Variants in EHD3 observed in about 807,000 individuals in gnomAD.
EHD3 encodes EH domain-containing protein 3.
In EHD3, 17 loss-of-function variants were observed where a neutral mutation model predicts 43.0. The ratio of observed to expected loss-of-function variants is 0.40; its 90% CI spans 0.27 to 0.59. The LOEUF is 0.59. Ranked by LOEUF, EHD3 falls within the 20% of genes least tolerant of loss-of-function variation. The pLI is 0.49. For synonymous variants in EHD3, 313 were observed against 289.5 expected, an observed-to-expected ratio of 1.08 and a Z score of -0.82; for missense variants, 594 against 705.6, an observed-to-expected ratio of 0.84 and a Z score of 1.79.
intron 1 of EHD3, among the ~76,000 whole-genome samples, chr2:31,239,398 T>G (rs756561450): frequency 6.6e-6 from 1 of 152,212 alleles, no homozygotes; most frequent in Non-Finnish European, 1.5e-5. Flanking sequence ...TTACAAGGCC[T>G]AAGTGTTACA....
intron 4 of EHD3, 121 bp downstream of exon 4, chr2:31,261,043 C>G (rs1683845436): frequency 8.8e-7 from 1 of 1,135,526 alleles, no homozygotes; most frequent in African/African-American, 1.6e-5. Flanking sequence ...CACCAAGGGG[C>G]AGGACAGTGC....
chr2:31,260,447 C>A lies in EHD3; in HGVS notation c.503-63C>A, dbSNP rs1683829345. ...GTGTTATTTCTACCACACCCGACTG[C>A]TTCTCCAAACCCCTACCCTATACCC... On this transcript the variant is annotated intron_variant, in intron 3 of 5. Coordinates refer to ENST00000322054, the MANE Select transcript of EHD3 (RefSeq NM_014600.3). This position sits in a 1 kb window ranked among gnomAD's most constrained non-coding sequence, Gnocchi z 4.6. The A allele has an allele frequency of 1.3e-6, 2 of 1,488,692 alleles. No individual in the cohort carries two copies. The highest frequency in any genetic ancestry group is 2.3e-5 in the East Asian group (1 of 43,680). 92.2% of individuals were successfully genotyped at this position (1,488,692 alleles called of 1,614,324 possible). A position where few individuals can be genotyped will look rare whatever the true frequency, so the allele number is the denominator to read the frequency against.
At chr2:31,243,460 C>CTTTCTTTTTTT (rs1553402472) in intron 1 of EHD3, among the ~76,000 whole-genome samples, 27 of 98,480 alleles carry the variant, frequency 2.7e-4, no homozygotes, top group African/African-American at 5.0e-4. Flanking sequence ...TTCTTTCTTT[C>CTTTCTTTTTTT]TTTTTTTTTT....
chr2:31,243,729 T>C (rs536691944), intron 1 of EHD3, among the ~76,000 whole-genome samples: 19 of 152,162 alleles, frequency 1.2e-4, no homozygotes, highest in African/African-American at 3.4e-4. Flanking sequence ...GCTGGGATTA[T>C]AGGCGTGAGC....
chr2:31,235,291 G>T (rs1683303438), intron 1 of EHD3, among the ~76,000 whole-genome samples: 2 of 152,096 alleles, frequency 1.3e-5, no homozygotes, highest in Admixed American at 1.3e-4. Context: ...TCACATGGGG[G>T]CCTCACAGTT....
chr2:31,257,488 C>T (rs573888201), intron 3 of EHD3, among the ~76,000 whole-genome samples: 1 of 152,208 alleles, frequency 6.6e-6, no homozygotes, highest in African/African-American at 2.4e-5. Context: ...TGCAGAACGG[C>T]TGGATGGCTG....
chr2:31,265,615 C>G (rs1159931732), intron 5 of EHD3, among the ~76,000 whole-genome samples: 1 of 152,216 alleles, frequency 6.6e-6, no homozygotes, highest in East Asian at 1.9e-4. Flanking sequence ...TTTTAGTACC[C>G]TGTGCCCTGT....
chr2:31,252,049 C>CAGCG (rs1366385440), intron 3 of EHD3, among the ~76,000 whole-genome samples: 1 of 152,174 alleles, frequency 6.6e-6, no homozygotes, highest in Admixed American at 6.5e-5. Flanking sequence ...GTAGCCTGAC[C>CAGCG]AGCGGGTCCA....
At chr2:31,257,256 G>A (rs1163652946) in intron 3 of EHD3, among the ~76,000 whole-genome samples, 5 of 152,230 alleles carry the variant, frequency 3.3e-5, no homozygotes, top group African/African-American at 4.8e-5. Context: ...CCTTTGGGAG[G>A]TGACAGCAGC....
chr2:31,243,460 C>CTTTTTTTTT (rs1309146980), intron 1 of EHD3, among the ~76,000 whole-genome samples: 1,128 of 98,412 alleles, frequency 0.011, 110 homozygotes, highest in African/African-American at 0.048. Context: ...TTCTTTCTTT[C>CTTTTTTTTT]TTTTTTTTTT....
chr2:31,255,474 TATTTTGCAGCTG>T (rs982613100), intron 3 of EHD3, among the ~76,000 whole-genome samples: 3 of 151,724 alleles, frequency 2.0e-5, no homozygotes, highest in Non-Finnish European at 4.4e-5. Flanking sequence ...TTGTTATCCC[TATTTTGCAGCTG>T]AGAAAATTGA....
Position 31,266,852 on chromosome 2 carries a change from T to G in EHD3, c.*148T>G, listed in dbSNP as rs1572476273. 4 of 1,085,864 alleles carry G rather than the reference T, an allele frequency of 3.7e-6. No individual in the cohort carries two copies. Among genetic ancestry groups the G allele is most frequent in the Non-Finnish European group, 5.1e-6 (4 of 785,432 alleles). 67.3% of individuals were successfully genotyped at this position (1,085,864 alleles called of 1,614,324 possible). A position where few individuals can be genotyped will look rare whatever the true frequency, so the allele number is the denominator to read the frequency against. On this transcript the variant is annotated 3_prime_UTR_variant, in exon 6 of 6. Transcript: ENST00000322054. The surrounding 1 kb of genome is among the most constrained non-coding windows in gnomAD (Gnocchi z 5.1). ...TTGCTCTGTAGGTGAGAGAGGACCA[T>G]GACGCCCATGTTTGCAGCTGATACT...
chr2:31,249,344 T>G (rs112850980), intron 2 of EHD3, 27 bp from the exon 3 acceptor site: 60 of 1,608,778 alleles, frequency 3.7e-5, no homozygotes, highest in Non-Finnish European at 9.4e-6. Context: ...GGGCGAGTAC[T>G]CACCCAGGTT....
rs1226074917 is a variant in EHD3 at position 31,268,450 on chromosome 2, T to C, written c.*1746T>C. The C allele has an allele frequency of 6.5e-6, 1 of 152,672 alleles. No homozygotes were observed. The highest frequency in any genetic ancestry group is 1.9e-4 in the East Asian group (1 of 5,182). The allele number at this position is 152,672 out of a possible 1,614,324, so 9.5% of individuals were successfully genotyped here. On this transcript the variant is annotated 3_prime_UTR_variant, in exon 6 of 6. Transcript: ENST00000322054. ...AGGCTGAGGGAGAAGGGCTGGGTTC[T>C]TACTTGGAGTTCCTGGTGAAATCTT...
In EHD3 at chr2:31,266,274, T is replaced by C; in HGVS notation, c.1178T>C (p.Leu393Pro). 2 of 1,614,166 alleles carry C rather than the reference T, an allele frequency of 1.2e-6. No individual in the cohort carries two copies. The highest frequency in any genetic ancestry group is 1.1e-5 in the South Asian group (1 of 91,082). Reference sequence around the variant, plus strand: ...ATGCTGGCCCATGACATTGCCCAGCTCATGGTGCTAGTGCGCCAGGAGGAG... The same window carrying C: ...ATGCTGGCCCATGACATTGCCCAGCCCATGGTGCTAGTGCGCCAGGAGGAG... ...DDMLAHDIAQ[L>P]MVLVRQEESQ... is the part of the protein sequence containing the mutation. The change falls in exon 6 of 6, where the codon CTC becomes CCC. Residue 393 changes from leucine to proline, a missense_variant. Coordinates refer to ENST00000322054, the MANE Select transcript of EHD3 (RefSeq NM_014600.3). This position sits in a 1 kb window ranked among gnomAD's most constrained non-coding sequence, Gnocchi z 5.1.
rs766994253 is a variant in EHD3 at position 31,260,882 on chromosome 2, G to A, written c.875G>A (p.Arg292His). 12 of 1,613,524 alleles carry A rather than the reference G, an allele frequency of 7.4e-6. No homozygotes were observed. Among genetic ancestry groups the A allele is most frequent in the East Asian group, 4.5e-5 (2 of 44,886 alleles). ...AGTCTGCCCCGAAATGCTGCCCTGC[G>A]CAAGCTCAACGACCTCATCAAAAGG... ...IQSLPRNAAL[R>H]KLNDLIKRAR... Residue 292 changes from arginine (R) to histidine (H), a missense_variant, in exon 4 of 6, where the codon CGC becomes CAC. Arg to His is a conservative substitution (Grantham distance 29). This residue lies in a region of EHD3 where 322 missense variants were observed against 348.0 expected (regional missense o/e 0.93). Transcript: ENST00000322054. The surrounding 1 kb of genome is among the most constrained non-coding windows in gnomAD (Gnocchi z 4.6).
chr2:31,254,075 G>T (rs2148720600), intron 3 of EHD3, among the ~76,000 whole-genome samples: 1 of 152,310 alleles, frequency 6.6e-6, no homozygotes, highest in Middle Eastern at 3.4e-3. Context: ...CCTCCCCACA[G>T]GCCCCTTTCT....
At chr2:31,261,357 C>T (rs1272955669) in intron 4 of EHD3, among the ~76,000 whole-genome samples, 192 bp from the exon 5 acceptor site, 1 of 152,142 alleles carries the variant, frequency 6.6e-6, no homozygotes, top group African/African-American at 2.4e-5. Flanking sequence ...ACCTTGCCCA[C>T]ATAACATAGA....
Position 31,266,761 on chromosome 2 carries a change from TACACACAC to T in EHD3, c.*83_*90del, listed in dbSNP as rs67643147. ...TAGAGGAGGAGATGGGAGCGGTGAC[TACACACAC>T]ACACACACACACACACACACACACA... On this transcript the variant is annotated 3_prime_UTR_variant, in exon 6 of 6. Transcript: ENST00000322054. The surrounding 1 kb of genome is among the most constrained non-coding windows in gnomAD (Gnocchi z 5.1). 5.0e-3 allele frequency: 5,886 copies of T among 1,175,328 alleles called. No individual in the cohort carries two copies. Among genetic ancestry groups the T allele is most frequent in the South Asian group, 6.4e-3 (425 of 66,208 alleles). The allele number at this position is 1,175,328 out of a possible 1,614,324, so 72.8% of individuals were successfully genotyped here.
Sources: gnomAD v4.1 joint callset for allele counts (sites outside exome capture counted in the v4.1 genomes callset) on GRCh38, gnomAD v4.1.1 for gene constraint, gnomAD v4.1.1 regional missense constraint, Gnocchi (gnomAD v3.1) non-coding constraint, MANE v1.5 for transcripts, NCBI Gene and HGNC (gene_info 2026-07-23, HGNC 2026-07-21) for gene names.